DOCK10: variants seen among roughly 807,000 people sequenced by gnomAD.
The protein encoded by DOCK10 is dedicator of cytokinesis protein 10.
A neutral mutation model predicts 280.1 loss-of-function variants in DOCK10; 145 were observed. That is an observed-to-expected ratio of 0.52 (90% CI 0.45 to 0.59). The LOEUF is 0.59. Among genes scored for constraint, DOCK10 ranks in the 20% least tolerant of loss-of-function variants. The pLI, the probability that DOCK10 is intolerant of heterozygous loss-of-function variation, is 0.00. For synonymous variants in DOCK10, 915 were observed against 942.2 expected, an observed-to-expected ratio of 0.97 and a Z score of 0.53; for missense variants, 2,368 against 2,651.7, an observed-to-expected ratio of 0.89 and a Z score of 2.35.
chr2:224,773,143 C>A lies in DOCK10; in HGVS notation c.6204+14G>T, dbSNP rs1283077315. 1 of 1,598,266 alleles carries A rather than the reference C, an allele frequency of 6.3e-7. No individual in the cohort carries two copies. The highest frequency in any genetic ancestry group is 1.1e-5 in the South Asian group (1 of 89,350). ...TGGCCATGTGCATCTCAGCCCTGGG[C>A]AATGCTTACTCACCTTCACGCTGAC... On this transcript the variant is annotated intron_variant, in intron 53 of 55. Coordinates refer to ENST00000258390, the MANE Select transcript of DOCK10 (RefSeq NM_014689.3).
rs191225546 is a variant in DOCK10, at chr2:224,777,816, A to C, written c.5802+322T>G. Among the ~76,000 whole-genome samples, 183 of 152,314 alleles carry C rather than the reference A, an allele frequency of 1.2e-3. 1 individual carries two copies. The highest frequency in any genetic ancestry group is 2.2e-3 in the Non-Finnish European group (150 of 68,028). ...TGGGAAGACTTCCTTAACTGAATAAATATTTTCAACTTGCTGTTTTCTCCA... is the reference window on the plus strand; with the variant it reads ...TGGGAAGACTTCCTTAACTGAATAACTATTTTCAACTTGCTGTTTTCTCCA... On this transcript the variant is annotated intron_variant, in intron 51 of 55. Coordinates refer to ENST00000258390, the MANE Select transcript of DOCK10 (RefSeq NM_014689.3).
At chr2:225,017,655 T>C (rs910359100) in intron 1 of DOCK10, among the ~76,000 whole-genome samples, 1 of 135,450 alleles carries the variant, frequency 7.4e-6, no homozygotes, top group Non-Finnish European at 1.6e-5. Flanking sequence ...AAAATGTGGA[T>C]AGAACTGTCT....
At chr2:224,907,078 T>C (rs1250826274) in intron 3 of DOCK10, among the ~76,000 whole-genome samples, 1 of 152,222 alleles carries the variant, frequency 6.6e-6, no homozygotes, top group Non-Finnish European at 1.5e-5. Context: ...CCTAACTGAA[T>C]TGCAATTAGC....
intron 1 of DOCK10, among the ~76,000 whole-genome samples, chr2:224,976,683 A>T (rs1338970811): frequency 1.8e-4 from 7 of 38,438 alleles, no homozygotes; most frequent in Non-Finnish European, 3.6e-4. Context: ...AAAGTTAATT[A>T]AAAAAAAAAA....
chr2:224,901,113 A>G (rs1052239431), intron 3 of DOCK10, among the ~76,000 whole-genome samples: 1 of 152,242 alleles, frequency 6.6e-6, no homozygotes, highest in African/African-American at 2.4e-5. Flanking sequence ...AATGTTACGC[A>G]TAGAAAATTA....
chr2:224,895,425 G>C (rs1699923375), intron 4 of DOCK10, among the ~76,000 whole-genome samples: 1 of 152,134 alleles, frequency 6.6e-6, no homozygotes, highest in African/African-American at 2.4e-5. Flanking sequence ...ATCTTAGCTT[G>C]ATGAACCAGT....
chr2:224,847,050 G>A (rs1443685114), intron 19 of DOCK10, among the ~76,000 whole-genome samples: 1 of 152,176 alleles, frequency 6.6e-6, no homozygotes, highest in Non-Finnish European at 1.5e-5. Context: ...GAGAACTAAT[G>A]AGACATTTTG....
At position 224,886,180 on chromosome 2, in the gene DOCK10, G is replaced by C. The variant is rs2125758337; in HGVS notation, c.495C>G (p.Thr165=). 4 of 1,613,754 alleles carry C rather than the reference G, an allele frequency of 2.5e-6. No homozygotes were observed. Among genetic ancestry groups the C allele is most frequent in the Non-Finnish European group, 3.4e-6 (4 of 1,179,802 alleles). ...CCCCCTTGGAAGACGAGTGGGAAGT[G>C]GTATCCTGTAGGAAAGGCATAGTAG... ...DHEDADKDED[T]TSHSSSKGGG... Residue 165 remains threonine (T), a synonymous_variant, in exon 6 of 56, where the codon ACC becomes ACG. Transcript: ENST00000258390.
chr2:224,892,419 A>AAAAG (rs1699740892), intron 4 of DOCK10, among the ~76,000 whole-genome samples: 21 of 69,766 alleles, frequency 3.0e-4, no homozygotes, highest in South Asian at 8.3e-4. Flanking sequence ...AAAAAAAAAA[A>AAAAG]AAAGAAAGAA....
chr2:224,870,921 G>A lies in DOCK10; in HGVS notation c.1257+3075C>T, dbSNP rs76246446. Among the ~76,000 whole-genome samples, 41 of 146,180 alleles carry A rather than the reference G, an allele frequency of 2.8e-4. No individual in the cohort carries two copies. The East Asian group carries it at 8.0e-3, about 28-fold the overall frequency. On this transcript the variant is annotated intron_variant, in intron 11 of 55. Transcript: ENST00000258390. ...GGCTTACTGCAACCTCCACCTCCTG[G>A]GTTCAGGCGATTCTTCTGCCTCAGC...
chr2:224,769,079 C>A, intron 55 of DOCK10: 1 of 378,296 alleles, frequency 2.6e-6, no homozygotes, highest in South Asian at 2.0e-5. Context: ...TTATTTCACT[C>A]CCAGATTTAT....
At chr2:224,850,506 T>C (rs1372946425) in intron 18 of DOCK10, among the ~76,000 whole-genome samples, 1 of 152,200 alleles carries the variant, frequency 6.6e-6, no homozygotes, top group Non-Finnish European at 1.5e-5. Flanking sequence ...GGACCTCCCC[T>C]AGCCTATGGG....
At chr2:224,945,471 A>G (rs140494293) in intron 1 of DOCK10, among the ~76,000 whole-genome samples, 5 of 152,272 alleles carry the variant, frequency 3.3e-5, no homozygotes, top group Non-Finnish European at 7.4e-5. Context: ...GCTCAACTGC[A>G]TGTATTCACC....
chr2:224,934,889 C>A (rs548170834), intron 1 of DOCK10, among the ~76,000 whole-genome samples: 2 of 152,330 alleles, frequency 1.3e-5, no homozygotes, highest in East Asian at 3.9e-4. Flanking sequence ...ATTTCATTAG[C>A]TGTTCTAAAG....
At chr2:224,866,210 C>A (rs1697901623) in intron 11 of DOCK10, among the ~76,000 whole-genome samples, 1 of 152,184 alleles carries the variant, frequency 6.6e-6, no homozygotes, top group African/African-American at 2.4e-5. Context: ...TTAATTCAGT[C>A]AAAACTGTTC....
chr2:224,933,864 A>G (rs568089288), intron 1 of DOCK10, among the ~76,000 whole-genome samples: 2 of 152,174 alleles, frequency 1.3e-5, no homozygotes, highest in Non-Finnish European at 2.9e-5. Context: ...TCGGGTTCTC[A>G]CTATCTTTTA....
At chr2:224,906,460 CATTT>C (rs145038261) in intron 3 of DOCK10, among the ~76,000 whole-genome samples, 4 of 152,092 alleles carry the variant, frequency 2.6e-5, no homozygotes, top group East Asian at 1.9e-4. Context: ...TGTTTATCTT[CATTT>C]ATTTATTTAT....
intron 3 of DOCK10, among the ~76,000 whole-genome samples, chr2:224,915,893 G>A (rs576371096): frequency 6.6e-6 from 1 of 152,230 alleles, no homozygotes; most frequent in Non-Finnish European, 1.5e-5. Flanking sequence ...CCAATAAAAT[G>A]CAAGTCAATG....
chr2:224,823,407 T>A, intron 28 of DOCK10, 94 bp downstream of exon 28: 1 of 1,095,198 alleles, frequency 9.1e-7, no homozygotes, highest in Non-Finnish European at 1.2e-6. Context: ...TGATTTTTCA[T>A]CATACATGAA....
Sources: allele counts gnomAD v4.1 joint callset (sites outside exome capture counted in the v4.1 genomes callset), GRCh38; gene constraint gnomAD v4.1.1; transcripts MANE v1.5; gene names NCBI Gene and HGNC (gene_info 2026-07-23, HGNC 2026-07-21).